The following CFAP46 variants were observed in gnomAD, a reference collection of about 807,000 sequenced individuals.
CFAP46 encodes cilia and flagella associated protein 46.
CFAP46 carries 245 observed loss-of-function variants against 325.7 expected under a neutral mutation model. The ratio of observed to expected loss-of-function variants is 0.75; its 90% CI spans 0.68 to 0.84. CFAP46 has a LOEUF of 0.84. Ranked by LOEUF, CFAP46 falls within the 40% of genes least tolerant of loss-of-function variation. The pLI, the probability that CFAP46 is intolerant of heterozygous loss-of-function variation, is 0.00. For missense variants in CFAP46, 3,346 were observed against 3,543.0 expected, an observed-to-expected ratio of 0.94 and a Z score of 1.41; for synonymous variants, 1,523 against 1,495.9, an observed-to-expected ratio of 1.02 and a Z score of -0.42.
At chr10:132,833,273 G>C in intron 50 of CFAP46, 85 bp downstream of exon 50, 2 of 1,270,478 alleles carry the variant, frequency 1.6e-6, no homozygotes, top group South Asian at 1.4e-5. Flanking sequence ...TTTCTTGATA[G>C]GAGCTAACAT....
chr10:132,901,526 C>T (rs1250074000), intron 22 of CFAP46, among the ~76,000 whole-genome samples: 1 of 152,232 alleles, frequency 6.6e-6, no homozygotes, highest in Admixed American at 6.5e-5. Context: ...TACTCCACGT[C>T]ACGTGTGGCA....
intron 41 of CFAP46, among the ~76,000 whole-genome samples, chr10:132,849,203 C>G (rs959272011): frequency 6.6e-6 from 1 of 152,222 alleles, no homozygotes; most frequent in African/African-American, 2.4e-5. Flanking sequence ...ACAGGAGGCC[C>G]TGCCGACCCT....
intron 44 of CFAP46, among the ~76,000 whole-genome samples, chr10:132,841,955 C>T (rs941598626): frequency 6.6e-6 from 1 of 152,200 alleles, no homozygotes; most frequent in Non-Finnish European, 1.5e-5. Flanking sequence ...GTCTTTCTTC[C>T]ACTGCCTTGA....
rs1046832960 is a variant in CFAP46, at chr10:132,889,878, G to A, written c.3304+2455C>T. Among the ~76,000 whole-genome samples the A allele has an allele frequency of 6.6e-6, 1 of 152,212 alleles. No individual in the cohort carries two copies. Among genetic ancestry groups the A allele is most frequent in the Non-Finnish European group, 1.5e-5 (1 of 68,036 alleles). On this transcript the variant is annotated intron_variant, in intron 25 of 57. Coordinates refer to ENST00000368586, the MANE Select transcript of CFAP46 (RefSeq NM_001200049.3). The surrounding 1 kb of genome is among the most constrained non-coding windows in gnomAD (Gnocchi z 6.0). ...CCTGATTAAAGTATTGATGCGGCCTGGACGCTAAGCATTTAGCTGCCAGAC... is the reference window on the plus strand; with the variant it reads ...CCTGATTAAAGTATTGATGCGGCCTAGACGCTAAGCATTTAGCTGCCAGAC...
chr10:132,860,196 C>T (rs1033745580), intron 37 of CFAP46, among the ~76,000 whole-genome samples: 2 of 152,196 alleles, frequency 1.3e-5, no homozygotes, highest in African/African-American at 2.4e-5. Flanking sequence ...GCCAAACAGA[C>T]GGGACATGTG....
At chr10:132,837,486 C>T (rs901907218) in intron 44 of CFAP46, among the ~76,000 whole-genome samples, 3 of 114,494 alleles carry the variant, frequency 2.6e-5, no homozygotes, top group East Asian at 4.4e-4. Flanking sequence ...CACATGCACA[C>T]GTACACAGAT....
At chr10:132,888,846 CCGCCTG>C (rs1849216218) in intron 25 of CFAP46, among the ~76,000 whole-genome samples, 1 of 127,504 alleles carries the variant, frequency 7.8e-6, no homozygotes, top group East Asian at 2.4e-4. Context: ...TTCACCCCTG[CCGCCTG>C]CACCTGCCAC....
chr10:132,863,389 G>A (rs763578289), intron 35 of CFAP46, among the ~76,000 whole-genome samples: 2 of 152,154 alleles, frequency 1.3e-5, no homozygotes, highest in African/African-American at 2.4e-5. Context: ...GCGGCTAAAA[G>A]AATGCTGCAC....
intron 50 of CFAP46, among the ~76,000 whole-genome samples, chr10:132,822,779 CACT>C (rs1477283670): frequency 9.6e-6 from 1 of 103,918 alleles, no homozygotes; most frequent in African/African-American, 3.9e-5. Flanking sequence ...GCTGTGTGTG[CACT>C]TGTGTGTGCT....
intron 57 of CFAP46, among the ~76,000 whole-genome samples, chr10:132,809,172 G>A (rs1026550549): frequency 2.0e-5 from 3 of 152,246 alleles, no homozygotes; most frequent in Non-Finnish European, 2.9e-5. Context: ...TTGGCCAGGC[G>A]AGCTGCTCTG....
chr10:132,866,007 C>A lies in CFAP46; in HGVS notation c.4890+18G>T. The A allele has an allele frequency of 6.7e-7, 1 of 1,487,400 alleles. No homozygotes were observed. 92.1% of individuals were successfully genotyped at this position (1,487,400 alleles called of 1,614,324 possible). A position where few individuals can be genotyped will look rare whatever the true frequency, so the allele number is the denominator to read the frequency against. The stretch of plus-strand genomic sequence containing the variant: ...GGGAGCGGCTGTGGATGGTGATGGG[C>A]TGGGAGGGGCTCCTCACCTGGAAAG... On this transcript the variant is annotated intron_variant, in intron 35 of 57. Transcript: ENST00000368586.
chr10:132,822,784 G>GTGTGTGCTGTGTGGGCAGTGA (rs1847900514), intron 50 of CFAP46, among the ~76,000 whole-genome samples: 1 of 99,766 alleles, frequency 1.0e-5, no homozygotes, highest in African/African-American at 3.7e-5. Flanking sequence ...GTGTGCACTT[G>GTGTGTGCTGTGTGGGCAGTGA]TGTGTGCTGT....
Position 132,846,045 on chromosome 10 carries a change from G to C in CFAP46, c.6438+12C>G, listed in dbSNP as rs780955879. 2 of 1,597,948 alleles carry C rather than the reference G, an allele frequency of 1.3e-6. No homozygotes were observed. The highest frequency in any genetic ancestry group is 1.7e-6 in the Non-Finnish European group (2 of 1,177,434). On this transcript the variant is annotated intron_variant, in intron 44 of 57. Transcript: ENST00000368586. The stretch of plus-strand genomic sequence containing the variant: ...GCTGGGGGCAGGTTCAGCGGCATCC[G>C]TGCCCGCTTACCTTGGACACGGCGG...
intron 25 of CFAP46, among the ~76,000 whole-genome samples, chr10:132,890,921 AG>A (rs1326555366): frequency 6.6e-6 from 1 of 152,214 alleles, no homozygotes; most frequent in African/African-American, 2.4e-5. Flanking sequence ...TCTATTCCAC[AG>A]CATTTAAAGA....
At chr10:132,829,811 G>A (rs763797562) in intron 50 of CFAP46, among the ~76,000 whole-genome samples, 10 of 152,170 alleles carry the variant, frequency 6.6e-5, no homozygotes, top group South Asian at 2.1e-4. Flanking sequence ...TTATGAATGC[G>A]GTGAATTACA....
intron 5 of CFAP46, 98 bp downstream of exon 5, chr10:132,938,491 G>A (rs1447240714): frequency 5.9e-6 from 7 of 1,180,614 alleles, no homozygotes; most frequent in Non-Finnish European, 8.4e-6. Context: ...CCCCAGTGAT[G>A]TGGAACTCCC....
rs1447681510 is a variant in CFAP46 at position 132,847,716 on chromosome 10, G to T, written c.5953-395C>A. On this transcript the variant is annotated intron_variant, in intron 41 of 57. Transcript: ENST00000368586. This position sits in a 1 kb window ranked among gnomAD's most constrained non-coding sequence, Gnocchi z 5.2. ...AGGCTGAGGCATCCACCAGCCCTCA[G>T]GGGCCCCTGATCTGGCTGAGACACA... Among the ~76,000 whole-genome samples, 5 of 152,144 alleles carry T rather than the reference G, an allele frequency of 3.3e-5. No homozygotes were observed. Among genetic ancestry groups the T allele is most frequent in the Admixed American group, 2.0e-4 (3 of 15,284 alleles).
rs992335818 is a variant in CFAP46 at position 132,869,369 on chromosome 10, G to T, written c.4515C>A (p.Leu1505=). 1 of 1,527,924 alleles carries T rather than the reference G, an allele frequency of 6.5e-7. No homozygotes were observed. 94.6% of individuals were successfully genotyped at this position (1,527,924 alleles called of 1,614,324 possible). The change falls in exon 33 of 58, where the codon CTC becomes CTA. Residue 1505 remains leucine, a synonymous_variant. Transcript: ENST00000368586. The surrounding 1 kb of genome is among the most constrained non-coding windows in gnomAD (Gnocchi z 6.2). ...GCTTCAGCTCGGAGCACGCGTGGGC[G>T]AGGCTGTGGGGAGTGTGGCCGAAAG... ...KGLSDLYHLR[L]AHACSELKLR...
chr10:132,859,194 G>A lies in CFAP46; in HGVS notation c.5252C>T (p.Thr1751Ile), dbSNP rs986119142. Residue 1751 changes from threonine (T) to isoleucine (I), a missense_variant, in exon 38 of 58, where the codon ACA (threonine) becomes ATA (isoleucine). Thr to Ile is a moderately conservative substitution (Grantham distance 89). Coordinates refer to ENST00000368586, the MANE Select transcript of CFAP46 (RefSeq NM_001200049.3). ...VAQHSAVTEP[T>I]ECSLLLKEMD... ...CTCTTTCAGTAGCAACGAGCACTCT[G>A]TGGGTTCAGTGACCGCTGAGTGCTG... The A allele has an allele frequency of 3.9e-6, 6 of 1,550,322 alleles. No homozygotes were observed. In the Middle Eastern group the frequency reaches 5.0e-4, roughly 129 times the overall value.
Sources: allele counts gnomAD v4.1 joint callset (sites outside exome capture counted in the v4.1 genomes callset), GRCh38; gene constraint gnomAD v4.1.1; non-coding constraint Gnocchi (gnomAD v3.1); transcripts MANE v1.5; gene names NCBI Gene and HGNC (gene_info 2026-07-23, HGNC 2026-07-21).